Variants in RUFY1 observed in about 807,000 individuals in gnomAD.
RUFY1 encodes the protein RUN and FYVE domain containing 1, also known as RUN and FYVE domain-containing protein 1.
Under a neutral mutation model 94.6 loss-of-function variants are expected in RUFY1, and 54 were observed. The ratio of observed to expected loss-of-function variants is 0.57; its 90% CI spans 0.46 to 0.72. The LOEUF is 0.72. Among genes scored for constraint, RUFY1 ranks in the 30% least tolerant of loss-of-function variants. RUFY1 has a pLI of 0.00. For synonymous variants in RUFY1, 396 were observed against 347.3 expected, an observed-to-expected ratio of 1.14 and a Z score of -1.56; for missense variants, 883 against 883.9, an observed-to-expected ratio of 1.00 and a Z score of 0.01.
intron 1 of RUFY1, among the ~76,000 whole-genome samples, chr5:179,551,547 A>T (rs1008827816): frequency 2.0e-5 from 3 of 151,900 alleles, no homozygotes; most frequent in Admixed American, 1.3e-4. Flanking sequence ...GCTGGAGTGC[A>T]GTGGTGCGAT....
intron 17 of RUFY1, 87 bp from the exon 18 acceptor site, chr5:179,609,289 T>G: frequency 7.2e-7 from 1 of 1,392,586 alleles, no homozygotes; most frequent in Non-Finnish European, 9.9e-7. Context: ...TCCCAGCAAA[T>G]GATGCGCTTC....
chr5:179,608,432 C>A, intron 17 of RUFY1: 1 of 985,496 alleles, frequency 1.0e-6, no homozygotes, highest in Non-Finnish European at 1.2e-6. Context: ...CCTGGCTGTC[C>A]CCATCTGTGG....
At chr5:179,594,632 G>A (rs1765424257) in intron 11 of RUFY1, among the ~76,000 whole-genome samples, 1 of 143,946 alleles carries the variant, frequency 6.9e-6, no homozygotes, top group African/African-American at 2.6e-5. Context: ...GTGGTGGCGG[G>A]CGCCTGTAGT....
chr5:179,604,708 G>T (rs1433714333), intron 15 of RUFY1, among the ~76,000 whole-genome samples: 9 of 152,174 alleles, frequency 5.9e-5, no homozygotes, highest in Admixed American at 1.3e-4. Context: ...CAGGCTGGGC[G>T]TGGGGGCTCA....
In RUFY1 at chr5:179,559,652, T is replaced by TG. The variant is rs1345772593; in HGVS notation, c.311-369dup. The TG allele has an allele frequency of 1.8e-5, 18 of 1,012,248 alleles. No homozygotes were observed. The Admixed American group carries it at 2.3e-4, about 13-fold the overall frequency. The allele number at this position is 1,012,248 out of a possible 1,614,324, so 62.7% of individuals were successfully genotyped here. A position where few individuals can be genotyped will look rare whatever the true frequency, so the allele number is the denominator to read the frequency against. Reference sequence around the variant, plus strand: ...TTTCCCAGCACGCCCTCTAAGAGCTTGGGGCAGGGCTTCCTGTAGGTAGCG... The same window carrying TG: ...TTTCCCAGCACGCCCTCTAAGAGCTTGGGGGCAGGGCTTCCTGTAGGTAGCG... On this transcript the variant is annotated intron_variant, in intron 1 of 17. Coordinates refer to ENST00000319449, the MANE Select transcript of RUFY1 (RefSeq NM_025158.5).
chr5:179,607,303 G>A, intron 16 of RUFY1: 1 of 486,082 alleles, frequency 2.1e-6, no homozygotes, highest in Non-Finnish European at 3.7e-6. Context: ...AAGTGGGAGT[G>A]TGCCTGAGTG....
intron 6 of RUFY1, among the ~76,000 whole-genome samples, chr5:179,580,206 C>CGTGT (rs71591429): frequency 0.075 from 9,517 of 127,478 alleles, 489 homozygotes; most frequent in Middle Eastern, 0.11. Flanking sequence ...CAAAAAATTC[C>CGTGT]GTGTGTGTGT....
intron 12 of RUFY1, chr5:179,596,290 A>G: frequency 1.9e-6 from 1 of 517,768 alleles, no homozygotes; most frequent in South Asian, 2.0e-5. Flanking sequence ...AGGTTATATA[A>G]TGTATAATTA....
chr5:179,590,578 A>G (rs1056578051), intron 9 of RUFY1, among the ~76,000 whole-genome samples: 32 of 148,428 alleles, frequency 2.2e-4, no homozygotes, highest in African/African-American at 7.9e-4. Flanking sequence ...TCCGCCTCCC[A>G]GGTTCACGCC....
At chr5:179,559,534 T>A (rs1762280191) in intron 1 of RUFY1, among the ~76,000 whole-genome samples, 1 of 152,150 alleles carries the variant, frequency 6.6e-6, no homozygotes, top group African/African-American at 2.4e-5. Context: ...TCCTCCTCCG[T>A]CCGGGACAGA....
intron 1 of RUFY1, among the ~76,000 whole-genome samples, chr5:179,558,478 A>G (rs1006256232): frequency 6.6e-6 from 1 of 151,798 alleles, no homozygotes; most frequent in Admixed American, 6.6e-5. Flanking sequence ...AGTCTGAAAC[A>G]AGAGAATTGC....
chr5:179,559,829 C>A, intron 1 of RUFY1, 196 bp from the exon 2 acceptor site: 1 of 1,340,656 alleles, frequency 7.5e-7, no homozygotes, highest in East Asian at 3.0e-5. Context: ...AAGGCCCCGC[C>A]GTCCAGGTAG....
rs1767046090 is a variant in RUFY1, at chr5:179,606,040, T to C, written c.1905+116T>C. 5.5e-6 allele frequency: 4 copies of C among 722,082 alleles called. 1 individual carries two copies. The highest frequency in any genetic ancestry group is 4.7e-5 in the South Asian group (3 of 63,482). 44.7% of individuals were successfully genotyped at this position (722,082 alleles called of 1,614,324 possible). On this transcript the variant is annotated intron_variant, in intron 16 of 17. Transcript: ENST00000319449. ...GAGCGTGTGGTTGAGGCAGTGGTGA[T>C]GACGTATTGACAGAGAAGCCAAACG...
intron 3 of RUFY1, among the ~76,000 whole-genome samples, chr5:179,563,747 C>T (rs1320115123): frequency 1.3e-5 from 2 of 152,086 alleles, no homozygotes; most frequent in African/African-American, 4.8e-5. Context: ...TCTCAGCTCT[C>T]TGCAACCTCC....
At chr5:179,584,149 T>C (rs1764415305) in intron 7 of RUFY1, among the ~76,000 whole-genome samples, 1 of 152,190 alleles carries the variant, frequency 6.6e-6, no homozygotes, top group Non-Finnish European at 1.5e-5. Flanking sequence ...ATTCCCTCTG[T>C]ATCTTTTGGT....
intron 3 of RUFY1, among the ~76,000 whole-genome samples, chr5:179,563,988 T>C (rs1376435379): frequency 6.6e-6 from 1 of 152,012 alleles, no homozygotes; most frequent in African/African-American, 2.4e-5. Context: ...ACCTTTTTCA[T>C]GAGCCTCTCA....
Position 179,576,643 on chromosome 5 carries a change from ACTC to A in RUFY1, c.829-429_829-427del, listed in dbSNP as rs1191079368. Among the ~76,000 whole-genome samples, 5 of 151,678 alleles carry A rather than the reference ACTC, an allele frequency of 3.3e-5. 1 individual carries two copies. Among genetic ancestry groups the A allele is most frequent in the Non-Finnish European group, 7.4e-5 (5 of 67,858 alleles). On this transcript the variant is annotated intron_variant, in intron 5 of 17. Transcript: ENST00000319449. ...ACCATGCTGGCCAGGCTGGTTTCGA[ACTC>A]CTGACCTCAGGCAATCCACCAGCCT... is the stretch of plus-strand genomic sequence containing the variant.
intron 7 of RUFY1, among the ~76,000 whole-genome samples, chr5:179,584,281 G>A (rs1481000419): frequency 6.6e-6 from 1 of 152,152 alleles, no homozygotes; most frequent in Non-Finnish European, 1.5e-5. Flanking sequence ...AACAGGGACT[G>A]GTCTTTGGCA....
rs1761799861 is a variant in RUFY1 at position 179,550,864 on chromosome 5, G to A, written c.295G>A (p.Gly99Ser). ...GCTGGGCGGCGGGGACAGCGGGGAC[G>A]GCACGGCGCGCGCAGGTAGGCTCGG... ...AGLGGGDSGD[G>S]TARAASKCQM... Residue 99 changes from glycine to serine, a missense_variant, in exon 1 of 18, where the codon GGC becomes AGC. Transcript: ENST00000319449. The A allele has an allele frequency of 3.4e-6, 4 of 1,179,312 alleles. No individual in the cohort carries two copies. The highest frequency in any genetic ancestry group is 4.2e-6 in the Non-Finnish European group (4 of 957,056). 73.1% of individuals were successfully genotyped at this position (1,179,312 alleles called of 1,614,324 possible).
Sources: allele counts gnomAD v4.1 joint callset (sites outside exome capture counted in the v4.1 genomes callset), GRCh38; gene constraint gnomAD v4.1.1; transcripts MANE v1.5; gene names NCBI Gene and HGNC (gene_info 2026-07-23, HGNC 2026-07-21).